Variants in RIN2 observed in about 807,000 individuals in gnomAD.
The protein encoded by RIN2 is Ras and Rab interactor 2, also known as RAB5 interacting protein 2.
In RIN2, 36 loss-of-function variants were observed where a neutral mutation model predicts 78.0. The observed-to-expected ratio is 0.46, with a 90% CI of 0.35 to 0.61. The LOEUF is 0.61. RIN2 is among the 20% of genes least tolerant of loss of function. The pLI is 0.00. For synonymous variants in RIN2, 466 were observed against 466.8 expected, an observed-to-expected ratio of 1.00 and a Z score of 0.02; for missense variants, 1,087 against 1,159.7, an observed-to-expected ratio of 0.94 and a Z score of 0.91.
chr20:19,850,341 C>T (rs2036920819), intron 2 of RIN2, among the ~76,000 whole-genome samples: 1 of 152,168 alleles, frequency 6.6e-6, no homozygotes, highest in Admixed American at 6.5e-5. Flanking sequence ...GTCTGCAGCT[C>T]CTCCGTGCAG....
At chr20:19,789,896 A>G (rs1211857378) in intron 1 of RIN2, among the ~76,000 whole-genome samples, 1 of 152,162 alleles carries the variant, frequency 6.6e-6, no homozygotes, top group Non-Finnish European at 1.5e-5. Flanking sequence ...GTCACTGAGC[A>G]AGTCTAATTC....
chr20:19,792,939 C>CTGTGTGTGTGTGTG (rs36049213), intron 1 of RIN2, among the ~76,000 whole-genome samples: 17 of 147,240 alleles, frequency 1.2e-4, no homozygotes, highest in African/African-American at 2.7e-4. Flanking sequence ...TAAGCAGCCA[C>CTGTGTGTGTGTGTG]TGTGTGTGTG....
chr20:19,986,965 G>A (rs2042641707), intron 9 of RIN2, among the ~76,000 whole-genome samples: 1 of 152,170 alleles, frequency 6.6e-6, no homozygotes, highest in Non-Finnish European at 1.5e-5. Context: ...CCTCCCCAAG[G>A]GGGACTGCCA....
chr20:19,899,456 C>T (rs977383067), intron 3 of RIN2, among the ~76,000 whole-genome samples: 1 of 152,194 alleles, frequency 6.6e-6, no homozygotes, highest in Non-Finnish European at 1.5e-5. Context: ...CTATCTATTG[C>T]TGTGTAACTA....
chr20:19,958,491 C>T (rs1291780449), intron 5 of RIN2, among the ~76,000 whole-genome samples: 1 of 152,260 alleles, frequency 6.6e-6, no homozygotes, highest in Non-Finnish European at 1.5e-5. Flanking sequence ...CTGCCTGATC[C>T]CTGCACAGGG....
intron 2 of RIN2, among the ~76,000 whole-genome samples, chr20:19,830,332 C>CT (rs2122991099): frequency 6.6e-6 from 1 of 152,264 alleles, no homozygotes; most frequent in East Asian, 1.9e-4. Context: ...CTCAAATCTT[C>CT]TTTTACTTAC....
At chr20:19,864,409 C>T (rs6046379) in intron 2 of RIN2, among the ~76,000 whole-genome samples, 26,527 of 152,100 alleles carry the variant, frequency 0.17, 2,686 homozygotes, top group Non-Finnish European at 0.22. Context: ...AAGATCATGA[C>T]GCTTGGCTCT....
At chr20:19,810,880 T>G (rs9753751) in intron 2 of RIN2, among the ~76,000 whole-genome samples, 2,633 of 94,034 alleles carry the variant, frequency 0.028, 92 homozygotes, top group African/African-American at 0.16. Context: ...GTGTGTGTGT[T>G]TTTTTTTTTT....
intron 2 of RIN2, among the ~76,000 whole-genome samples, chr20:19,834,607 T>C (rs977058579): frequency 6.6e-6 from 1 of 152,208 alleles, no homozygotes; most frequent in African/African-American, 2.4e-5. Context: ...TGGCTGGCCC[T>C]GTTGGCTGTA....
chr20:19,973,689 T>A (rs950980504), intron 8 of RIN2, among the ~76,000 whole-genome samples: 4 of 151,794 alleles, frequency 2.6e-5, no homozygotes, highest in African/African-American at 9.7e-5. Flanking sequence ...CTCGGGAGGC[T>A]GAGGAAGGAG....
intron 3 of RIN2, among the ~76,000 whole-genome samples, chr20:19,929,642 A>G (rs28413999): frequency 0.1 from 15,350 of 152,134 alleles, 1,389 homozygotes; most frequent in African/African-American, 0.25. Flanking sequence ...GATTACAGGC[A>G]TGAGCCACCA....
At chr20:19,861,470 G>C (rs1375890186) in intron 2 of RIN2, among the ~76,000 whole-genome samples, 4 of 152,142 alleles carry the variant, frequency 2.6e-5, no homozygotes, top group Non-Finnish European at 4.4e-5. Flanking sequence ...ACCCTGCTAA[G>C]TAGGTTGAGC....
chr20:19,812,061 C>CTTTTT (rs10678963), intron 2 of RIN2, among the ~76,000 whole-genome samples: 16,085 of 150,908 alleles, frequency 0.11, 890 homozygotes, highest in East Asian at 0.22. Context: ...ATAGCTTGTT[C>CTTTTT]TTTTTTTTTA....
rs76361814 is a variant in RIN2 at position 19,961,244 on chromosome 20, A to C, written c.463+433A>C. 3.1e-3 allele frequency among the ~76,000 whole-genome samples: 467 copies of C among 152,320 alleles called. 3 individuals are homozygous for C. The highest frequency in any genetic ancestry group is 0.026 in the South Asian group (127 of 4,820). On this transcript the variant is annotated intron_variant, in intron 6 of 12. Transcript: ENST00000255006. The stretch of plus-strand genomic sequence containing the variant: ...CTTCGTGAATAAATAATCCCTGAGC[A>C]GACCTGTTCCCTCCAGGCAATCAGT...
At chr20:19,832,755 A>T (rs964831615) in intron 2 of RIN2, among the ~76,000 whole-genome samples, 1 of 152,096 alleles carries the variant, frequency 6.6e-6, no homozygotes, top group African/African-American at 2.4e-5. Flanking sequence ...GTGTTGCTGC[A>T]TCTTCTGGAG....
Position 19,982,978 on chromosome 20 carries a change from G to A in RIN2, c.1763-7028G>A, listed in dbSNP as rs76865991. Among the ~76,000 whole-genome samples the A allele has an allele frequency of 6.6e-5, 10 of 152,280 alleles. No individual in the cohort carries two copies. In the East Asian group the frequency reaches 1.9e-3, roughly 29 times the overall value. ...CTGGCTTAATAAAGCAAACTATATT[G>A]GCTGCCTTCTCTCCCCAGTCAGTGC... On this transcript the variant is annotated intron_variant, in intron 9 of 12. Transcript: ENST00000255006.
intron 1 of RIN2, among the ~76,000 whole-genome samples, chr20:19,785,275 T>C (rs951149180): frequency 1.7e-4 from 25 of 142,956 alleles, no homozygotes; most frequent in Admixed American, 4.2e-4. Flanking sequence ...CCCCTCTACA[T>C]ACACACACAC....
Position 19,913,284 on chromosome 20 carries a change from T to TA in RIN2, c.58-21813dup, listed in dbSNP as rs1164008332. 3.9e-5 allele frequency among the ~76,000 whole-genome samples: 6 copies of TA among 152,194 alleles called. No homozygotes were observed. The East Asian group carries it at 1.2e-3, about 29-fold the overall frequency. ...ATACATAACATAAAATTTACCATTT[T>TA]AAGCATTTTTAACCATGTTTTTTAA... On this transcript the variant is annotated intron_variant, in intron 3 of 12. Coordinates refer to ENST00000255006, the MANE Select transcript of RIN2 (RefSeq NM_018993.4).
chr20:19,800,387 A>G (rs566351093), intron 2 of RIN2, among the ~76,000 whole-genome samples: 5 of 152,294 alleles, frequency 3.3e-5, no homozygotes, highest in Non-Finnish European at 7.3e-5. Context: ...CATCAAGTGG[A>G]GAGGTCTATT....
Sources: allele counts gnomAD v4.1 joint callset (sites outside exome capture counted in the v4.1 genomes callset), GRCh38; gene constraint gnomAD v4.1.1; transcripts MANE v1.5; gene names NCBI Gene and HGNC (gene_info 2026-07-23, HGNC 2026-07-21).